DNMT3A: variants seen among roughly 807,000 people sequenced by gnomAD.
DNMT3A encodes DNA (cytosine-5)-methyltransferase 3A.
In DNMT3A, 267 loss-of-function variants were observed where a neutral mutation model predicts 117.6. The observed-to-expected ratio is 2.27, with a 90% CI of 2.05 to 2.51. The LOEUF (loss-of-function observed/expected upper bound fraction) is 2.51. Among genes scored for constraint, DNMT3A ranks in the 30% most tolerant of loss-of-function variants. The pLI is 0.00. For synonymous variants in DNMT3A, 432 were observed against 474.8 expected (o/e 0.91, Z 1.17); for missense variants, 1,029 against 1,260.2 (o/e 0.82, Z 2.78).
At position 25,230,778 on chromosome 2, in the gene DNMT3A, C is replaced by G. The variant is rs1455391232; in HGVS notation, c.*3501G>C. ...GAAGAAAAGCTGGTGATTGTTAACT[C>G]TCGTCCCTGCAAGGGGGGGGGGGGG... On this transcript the variant is annotated 3_prime_UTR_variant, in exon 23 of 23. Transcript: ENST00000321117. The G allele has an allele frequency of 7.9e-6, 1 of 127,158 alleles. No individual in the cohort carries two copies. The highest frequency in any genetic ancestry group is 3.2e-5 in the African/African-American group (1 of 31,260). The allele number at this position is 127,158 out of a possible 1,614,324, so 7.9% of individuals were successfully genotyped here. A position where few individuals can be genotyped will look rare whatever the true frequency, so the allele number is the denominator to read the frequency against.
At chr2:25,251,640 C>A (rs1448676773) in intron 6 of DNMT3A, among the ~76,000 whole-genome samples, 1 of 152,224 alleles carries the variant, frequency 6.6e-6, no homozygotes, top group African/African-American at 2.4e-5. Flanking sequence ...CCTGGTGTCA[C>A]AGGCCGGCCC....
chr2:25,273,029 T>C (rs1470603371), intron 6 of DNMT3A, among the ~76,000 whole-genome samples: 4 of 137,902 alleles, frequency 2.9e-5, no homozygotes, highest in Admixed American at 2.3e-4. Context: ...GGCTGGAGTG[T>C]AGTGGTGTGA....
chr2:25,288,941 G>T (rs1351219273), intron 3 of DNMT3A, among the ~76,000 whole-genome samples: 1 of 152,208 alleles, frequency 6.6e-6, no homozygotes, highest in Non-Finnish European at 1.5e-5. Context: ...TGCCCTGAAG[G>T]GTGGGGGTGA....
At chr2:25,331,489 G>T (rs922869830) in intron 1 of DNMT3A, among the ~76,000 whole-genome samples, 1 of 152,180 alleles carries the variant, frequency 6.6e-6, no homozygotes, top group Non-Finnish European at 1.5e-5. Context: ...GGAAAGGCTG[G>T]ACAGCTTGAC....
intron 3 of DNMT3A, among the ~76,000 whole-genome samples, chr2:25,287,743 C>A (rs938826429): frequency 2.0e-5 from 3 of 148,304 alleles, no homozygotes; most frequent in Non-Finnish European, 4.5e-5. Flanking sequence ...CCGCCCCCAA[C>A]AGAGATTTAG....
rs573584413 is a variant in DNMT3A, at chr2:25,314,754, A to G, written c.-177-593T>C. 30 of 969,688 alleles carry G rather than the reference A, an allele frequency of 3.1e-5. 1 individual carries two copies. The South Asian group carries it at 1.3e-3, about 43-fold the overall frequency. The allele number at this position is 969,688 out of a possible 1,614,324, so 60.1% of individuals were successfully genotyped here. On this transcript the variant is annotated intron_variant, in intron 1 of 22. Coordinates refer to ENST00000321117, the MANE Select transcript of DNMT3A (RefSeq NM_022552.5). ...GGAGGGAGAGGCCACGGCCACGGCC[A>G]AGGCCACAGGCCACGGCCACACTGA...
chr2:25,292,880 G>A (rs2032862741), intron 3 of DNMT3A, among the ~76,000 whole-genome samples: 2 of 152,174 alleles, frequency 1.3e-5, no homozygotes, highest in African/African-American at 4.8e-5. Context: ...AATGCAGGTG[G>A]AGCCCGGGCC....
chr2:25,246,103 C>T (rs1674720981), intron 11 of DNMT3A, 39 bp from the exon 12 acceptor site: 1 of 1,614,204 alleles, frequency 6.2e-7, no homozygotes, highest in South Asian at 1.1e-5. Flanking sequence ...GGAGGCCGCG[C>T]CTGCTCCTCG....
rs1240145371 is a variant in DNMT3A at position 25,247,384 on chromosome 2, G to A, written c.1014+207C>T. The A allele has an allele frequency of 2.3e-6, 2 of 868,566 alleles. No individual in the cohort carries two copies. The highest frequency in any genetic ancestry group is 5.3e-5 in the East Asian group (2 of 37,568). The allele number at this position is 868,566 out of a possible 1,614,324, so 53.8% of individuals were successfully genotyped here. A position where few individuals can be genotyped will look rare whatever the true frequency, so the allele number is the denominator to read the frequency against. On this transcript the variant is annotated intron_variant, in intron 8 of 22. Coordinates refer to ENST00000321117, the MANE Select transcript of DNMT3A (RefSeq NM_022552.5). This position sits in a 1 kb window ranked among gnomAD's most constrained non-coding sequence, Gnocchi z 5.6. ...ATTCTAGTGAATAGGTTCCTGGAAG[G>A]CTAAAACTGGGCCAGCATCCTAGCT...
At chr2:25,272,413 G>A (rs962569128) in intron 6 of DNMT3A, among the ~76,000 whole-genome samples, 4 of 152,206 alleles carry the variant, frequency 2.6e-5, no homozygotes, top group African/African-American at 9.6e-5. Flanking sequence ...CCTCCATACT[G>A]CTTCTTCAAG....
At chr2:25,272,511 G>A (rs1172020664) in intron 6 of DNMT3A, among the ~76,000 whole-genome samples, 1 of 152,222 alleles carries the variant, frequency 6.6e-6, no homozygotes, top group Non-Finnish European at 1.5e-5. Flanking sequence ...AGGGCTAAAT[G>A]AGAACAGAAA....
At chr2:25,266,821 A>G (rs1310144765) in intron 6 of DNMT3A, among the ~76,000 whole-genome samples, 1 of 152,258 alleles carries the variant, frequency 6.6e-6, no homozygotes, top group Non-Finnish European at 1.5e-5. Context: ...CCCTGTTCAC[A>G]GAAGCATAAA....
intron 2 of DNMT3A, 116 bp from the exon 3 acceptor site, chr2:25,300,359 C>A (rs947132801): frequency 8.4e-7 from 1 of 1,184,810 alleles, no homozygotes; most frequent in Non-Finnish European, 1.2e-6. Context: ...TCCTGTCCCA[C>A]GAGCCACACT....
intron 6 of DNMT3A, among the ~76,000 whole-genome samples, chr2:25,267,061 G>C (rs2030423515): frequency 1.3e-5 from 2 of 152,308 alleles, no homozygotes; most frequent in African/African-American, 2.4e-5. Flanking sequence ...AATCCACATG[G>C]TGGAATATAA....
At chr2:25,245,106 G>C in intron 13 of DNMT3A, 147 bp downstream of exon 13, 1 of 700,924 alleles carries the variant, frequency 1.4e-6, no homozygotes, top group Non-Finnish European at 2.4e-6. Context: ...GTGTCATCAG[G>C]ACTCTGCTTC....
intron 3 of DNMT3A, among the ~76,000 whole-genome samples, chr2:25,284,367 C>A (rs1395956346): frequency 6.6e-6 from 1 of 152,020 alleles, no homozygotes; most frequent in Non-Finnish European, 1.5e-5. Flanking sequence ...CAAACTGTAG[C>A]CAGGCGTGGT....
Position 25,242,090 on chromosome 2 carries a change from G to C in DNMT3A, c.1937-383C>G, listed in dbSNP as rs28693454. ...CTGCTACAATTCTACCCCACCCTTT[G>C]ACTCAACCTGAATGTTCCCTGCTCC... On this transcript the variant is annotated intron_variant, in intron 16 of 22. Coordinates refer to ENST00000321117, the MANE Select transcript of DNMT3A (RefSeq NM_022552.5). 4.4e-3 allele frequency: 996 copies of C among 225,906 alleles called. 14 individuals carry two copies. Among genetic ancestry groups the C allele is most frequent in the African/African-American group, 0.022 (950 of 42,488 alleles). 14.0% of individuals were successfully genotyped at this position (225,906 alleles called of 1,614,324 possible). A position where few individuals can be genotyped will look rare whatever the true frequency, so the allele number is the denominator to read the frequency against.
intron 1 of DNMT3A, among the ~76,000 whole-genome samples, chr2:25,338,073 G>A (rs2035277909): frequency 6.6e-6 from 1 of 152,218 alleles, no homozygotes; most frequent in South Asian, 2.1e-4. Flanking sequence ...GGCACGGGGT[G>A]GGGAGGATAC....
intron 6 of DNMT3A, chr2:25,249,711 C>T: frequency 6.2e-7 from 1 of 1,614,234 alleles, no homozygotes; most frequent in East Asian, 2.2e-5. Context: ...TTCTCACAAC[C>T]CGCTCCAGGA....
Sources: gnomAD v4.1 joint callset for allele counts (sites outside exome capture counted in the v4.1 genomes callset) on GRCh38, gnomAD v4.1.1 for gene constraint, Gnocchi (gnomAD v3.1) non-coding constraint, MANE v1.5 for transcripts, NCBI Gene and HGNC (gene_info 2026-07-23, HGNC 2026-07-21) for gene names.